PTBP3: variants seen among roughly 807,000 people sequenced by gnomAD.
The protein encoded by PTBP3 is polypyrimidine tract binding protein 3.
A neutral mutation model predicts 58.7 loss-of-function variants in PTBP3; 20 were observed. The ratio of observed to expected loss-of-function variants is 0.34; its 90% confidence interval spans 0.24 to 0.50. The LOEUF is 0.50. Ranked by LOEUF, PTBP3 falls within the 20% of genes least tolerant of loss-of-function variation. The probability of loss-of-function intolerance (pLI) is 0.98; values close to 1 mark genes in which losing one functional copy is unlikely to be tolerated. For synonymous variants in PTBP3, 185 were observed against 219.8 expected (o/e 0.84, Z 1.40); for missense variants, 509 against 637.2 (o/e 0.80, Z 2.17).
chr9:112,320,314 A>ATATATATATATATTTTTTTTT, intron 1 of PTBP3, among the ~76,000 whole-genome samples: 1 of 75,726 alleles, frequency 1.3e-5, no homozygotes, highest in Non-Finnish European at 2.3e-5. Context: ...ATATATATAT[A>ATATATATATATATTTTTTTTT]TTTTTTTTTA....
chr9:112,346,615 T>C, the PTBP3 span, among the ~76,000 whole-genome samples: 1 of 152,228 alleles, frequency 6.6e-6, no homozygotes, highest in Admixed American at 6.5e-5. Context: ...AAGGGAAAAC[T>C]TTTAAGGTTT....
intron 7 of PTBP3, among the ~76,000 whole-genome samples, chr9:112,241,674 G>A (rs973269719): frequency 6.6e-6 from 1 of 152,068 alleles, no homozygotes; most frequent in African/African-American, 2.4e-5. Context: ...CTAATGACAC[G>A]TTTCTCAGAA....
At chr9:112,356,798 A>G in the PTBP3 span, among the ~76,000 whole-genome samples, 39 of 2,370 alleles carry the variant, frequency 0.016, no homozygotes, top group East Asian at 0.083. Flanking sequence ...GCGTGTGCGC[A>G]CACACACACA....
chr9:112,237,110 T>C (rs1835466939), intron 7 of PTBP3, among the ~76,000 whole-genome samples: 2 of 152,152 alleles, frequency 1.3e-5, no homozygotes, highest in Admixed American at 6.5e-5. Context: ...GAACATTAAA[T>C]AGAAATACAT....
the PTBP3 span, among the ~76,000 whole-genome samples, chr9:112,378,176 G>T: frequency 1.1e-4 from 17 of 152,142 alleles, no homozygotes; most frequent in Non-Finnish European, 2.4e-4. Context: ...GGGGTAGAAG[G>T]TCATGGGTAA....
the PTBP3 span, among the ~76,000 whole-genome samples, chr9:112,347,730 T>C: frequency 6.6e-6 from 1 of 152,188 alleles, no homozygotes. Flanking sequence ...CATATACATA[T>C]GTATAGACAC....
the PTBP3 span, among the ~76,000 whole-genome samples, chr9:112,373,016 T>G: frequency 8.6e-6 from 1 of 115,872 alleles, no homozygotes; most frequent in Non-Finnish European, 1.8e-5. Context: ...TGCCTCAGCC[T>G]TCCAAGTAGC....
At chr9:112,279,407 T>C (rs1827761843) in intron 2 of PTBP3, among the ~76,000 whole-genome samples, 1 of 152,178 alleles carries the variant, frequency 6.6e-6, no homozygotes, top group Non-Finnish European at 1.5e-5. Flanking sequence ...TAAAAATTCA[T>C]AATATTCCCA....
At chr9:112,352,043 G>C in the PTBP3 span, among the ~76,000 whole-genome samples, 1 of 151,652 alleles carries the variant, frequency 6.6e-6, no homozygotes, top group Non-Finnish European at 1.5e-5. Context: ...TCAGCCTCCT[G>C]AGTAGCTGGG....
At chr9:112,337,090 C>T (rs150034378), upstream of PTBP3, among the ~76,000 whole-genome samples, 306 of 152,310 alleles carry the variant, frequency 2.0e-3, no homozygotes, top group Non-Finnish European at 3.6e-3. Flanking sequence ...AGTGCAGTAG[C>T]GCGATCTCAG....
chr9:112,307,662 A>G (rs1056346978), intron 1 of PTBP3, among the ~76,000 whole-genome samples: 1 of 152,262 alleles, frequency 6.6e-6, no homozygotes, highest in African/African-American at 2.4e-5. Flanking sequence ...GTCATAAAAA[A>G]TAATTCTGAT....
At chr9:112,316,173 G>A (rs1445026154) in intron 1 of PTBP3, among the ~76,000 whole-genome samples, 1 of 152,098 alleles carries the variant, frequency 6.6e-6, no homozygotes, top group Admixed American at 6.5e-5. Flanking sequence ...TTCTAAGGTG[G>A]TGCCAAATGA....
At chr9:112,330,899 C>T (rs535797716) in intron 1 of PTBP3, among the ~76,000 whole-genome samples, 5 of 152,260 alleles carry the variant, frequency 3.3e-5, no homozygotes, top group Admixed American at 3.3e-4. Context: ...TAGAAGGCAT[C>T]TTGCAAATCT....
chr9:112,228,758 T>A (rs1398374146), intron 10 of PTBP3, among the ~76,000 whole-genome samples: 2 of 152,220 alleles, frequency 1.3e-5, no homozygotes, highest in African/African-American at 4.8e-5. Flanking sequence ...AATACCATCA[T>A]TCACACAGTT....
chr9:112,313,045 GA>G (rs796366557), intron 1 of PTBP3, among the ~76,000 whole-genome samples: 17 of 140,800 alleles, frequency 1.2e-4, no homozygotes, highest in South Asian at 9.0e-4. Flanking sequence ...CTGTTTCAAA[GA>G]AAAAAAAAAG....
chr9:112,246,827 A>G (rs895135452), intron 7 of PTBP3, among the ~76,000 whole-genome samples: 7 of 152,214 alleles, frequency 4.6e-5, no homozygotes, highest in African/African-American at 1.4e-4. Flanking sequence ...GACCACTTTA[A>G]TAAGTGATCA....
upstream of PTBP3, among the ~76,000 whole-genome samples, chr9:112,335,184 A>T (rs1830547296): frequency 6.6e-6 from 1 of 152,182 alleles, no homozygotes; most frequent in Non-Finnish European, 1.5e-5. Context: ...GTTATCATTA[A>T]TATTTTTCTT....
intron 2 of PTBP3, among the ~76,000 whole-genome samples, chr9:112,288,718 A>G (rs1828247858): frequency 6.6e-6 from 1 of 152,244 alleles, no homozygotes; most frequent in South Asian, 2.1e-4. Flanking sequence ...CACAAAATGT[A>G]TATGGATTAG....
At chr9:112,224,739 CTT>C (rs1834918734) in intron 12 of PTBP3, among the ~76,000 whole-genome samples, 1 of 152,196 alleles carries the variant, frequency 6.6e-6, no homozygotes, top group Non-Finnish European at 1.5e-5. Context: ...TCTGTAAACA[CTT>C]TGGATACTGT....
Sources: allele counts gnomAD v4.1 joint callset (sites outside exome capture counted in the v4.1 genomes callset), GRCh38; gene constraint gnomAD v4.1.1; transcripts MANE v1.5; gene names NCBI Gene and HGNC (gene_info 2026-07-23, HGNC 2026-07-21).